The following GABRR3 variants were observed in gnomAD, a reference collection of about 807,000 sequenced individuals.
GABRR3 encodes gamma-aminobutyric acid type A receptor subunit rho3, also known as gamma-aminobutyric acid receptor subunit rho-3.
Under a neutral mutation model 43.2 loss-of-function variants are expected in GABRR3, and 29 were observed. That is an observed-to-expected ratio of 0.67 (90% CI 0.50 to 0.92). GABRR3 has a LOEUF of 0.92. Ranked by LOEUF, GABRR3 falls within the 40% of genes least tolerant of loss-of-function variation. The pLI is 0.00. For missense variants in GABRR3, 576 were observed against 572.3 expected (o/e 1.01, Z -0.07); for synonymous variants, 206 against 195.9 (o/e 1.05, Z -0.43).
intron 3 of GABRR3, among the ~76,000 whole-genome samples, chr3:98,023,700 T>G (rs1444912613): frequency 6.6e-6 from 1 of 152,178 alleles, no homozygotes; most frequent in African/African-American, 2.4e-5. Context: ...AGAGACATAT[T>G]TCTAAACCTG....
At chr3:98,031,008 G>T (rs1357557617) in intron 2 of GABRR3, among the ~76,000 whole-genome samples, 1 of 152,116 alleles carries the variant, frequency 6.6e-6, no homozygotes, top group East Asian at 1.9e-4. Flanking sequence ...TTATTTCCAG[G>T]CTCTGGATGT....
chr3:98,033,043 CTGCATGACAGAG>C (rs1707110038), intron 2 of GABRR3, among the ~76,000 whole-genome samples: 1 of 152,148 alleles, frequency 6.6e-6, no homozygotes, highest in Non-Finnish European at 1.5e-5. Context: ...GCCCTAAAAT[CTGCATGACAGAG>C]TGCTTGAATG....
At chr3:98,000,455 G>T (rs1194335567) in intron 8 of GABRR3, 4 of 152,082 alleles carry the variant, frequency 2.6e-5, no homozygotes, top group African/African-American at 9.7e-5. Context: ...CAGTACTGAG[G>T]TTAGGGCACA....
intron 7 of GABRR3, among the ~76,000 whole-genome samples, chr3:98,006,119 GAGA>G (rs1308723819): frequency 3.3e-5 from 5 of 151,564 alleles, no homozygotes; most frequent in East Asian, 1.9e-4. Context: ...AGAAAAGGAG[GAGA>G]AGAAGGAGGA....
Position 98,025,796 on chromosome 3 carries a change from C to T in GABRR3, c.126-117G>A, listed in dbSNP as rs193070888. The T allele has an allele frequency of 9.7e-5, 59 of 610,430 alleles. No homozygotes were observed. The African/African-American group carries it at 1.0e-3, about 10-fold the overall frequency. The allele number at this position is 610,430 out of a possible 1,614,324, so 37.8% of individuals were successfully genotyped here. A position where few individuals can be genotyped will look rare whatever the true frequency, so the allele number is the denominator to read the frequency against. On this transcript the variant is annotated intron_variant, in intron 2 of 9. Coordinates refer to ENST00000621172, the Ensembl canonical transcript of GABRR3. ...GTTCTGAAATACATACATAAAAGCT[C>T]ATTTTCTCAGTTCATATTAAGCCAA...
At chr3:98,002,722 ATT>A (rs34246628) in intron 7 of GABRR3, among the ~76,000 whole-genome samples, 15 of 151,894 alleles carry the variant, frequency 9.9e-5, no homozygotes, top group Non-Finnish European at 8.8e-5. Context: ...AAGTAGCAAG[ATT>A]TTTTTTCTAT....
At chr3:98,032,252 A>G (rs973685313) in intron 2 of GABRR3, among the ~76,000 whole-genome samples, 4 of 152,208 alleles carry the variant, frequency 2.6e-5, no homozygotes, top group African/African-American at 9.6e-5. Flanking sequence ...CCTTTATTTT[A>G]GAAAGTATTT....
chr3:98,031,273 A>G (rs1707083771), intron 2 of GABRR3, among the ~76,000 whole-genome samples: 1 of 152,202 alleles, frequency 6.6e-6, no homozygotes, highest in African/African-American at 2.4e-5. Context: ...AGGAGGCCTC[A>G]GTTTCCTCAT....
At chr3:97,993,952 GC>G (rs1706504631) in intron 8 of GABRR3, among the ~76,000 whole-genome samples, 1 of 152,196 alleles carries the variant, frequency 6.6e-6, no homozygotes, top group African/African-American at 2.4e-5. Context: ...CATGAGGAGG[GC>G]CATTCAATGT....
intron 3 of GABRR3, among the ~76,000 whole-genome samples, chr3:98,024,043 A>T (rs1706981969): frequency 6.6e-6 from 1 of 152,204 alleles, no homozygotes; most frequent in Non-Finnish European, 1.5e-5. Context: ...TGAGTCACAA[A>T]TGTGATGAAA....
intron 8 of GABRR3, among the ~76,000 whole-genome samples, chr3:97,993,799 C>T (rs1307667711): frequency 2.0e-5 from 3 of 152,034 alleles, no homozygotes; most frequent in Non-Finnish European, 4.4e-5. Flanking sequence ...CTTTCTGCTG[C>T]CTTCCCCCTT....
exon 2 of GABRR3, chr3:98,034,886 G>A: frequency 2.5e-6 from 4 of 1,613,066 alleles, no homozygotes; most frequent in Non-Finnish European, 3.4e-6. Flanking sequence ...TTGAAGAGGA[G>A]CACCGCTGGT....
At chr3:98,006,924 A>G (rs1470669206) in intron 7 of GABRR3, among the ~76,000 whole-genome samples, 2 of 152,104 alleles carry the variant, frequency 1.3e-5, no homozygotes, top group Non-Finnish European at 2.9e-5. Context: ...CCAATTTTGG[A>G]TAGGTTTTCT....
At chr3:98,007,400 C>T (rs1353355590) in intron 7 of GABRR3, among the ~76,000 whole-genome samples, 1 of 152,076 alleles carries the variant, frequency 6.6e-6, no homozygotes, top group Admixed American at 6.5e-5. Flanking sequence ...GTGAGTCCCA[C>T]ATTAGGCAGG....
At chr3:98,006,722 C>T (rs1047202618) in intron 7 of GABRR3, among the ~76,000 whole-genome samples, 8 of 152,176 alleles carry the variant, frequency 5.3e-5, no homozygotes, top group South Asian at 4.2e-4. Flanking sequence ...TATATGGATT[C>T]GGCCTAAAAT....
At chr3:97,987,031 A>C (rs1432813100) in intron 9 of GABRR3, 49 bp from the exon 10 acceptor site, 1 of 1,204,056 alleles carries the variant, frequency 8.3e-7, no homozygotes, top group African/African-American at 1.5e-5. Context: ...GGTTTTACAA[A>C]TAGGAATTAT....
At chr3:97,987,683 A>G (rs1706405811) in intron 9 of GABRR3, among the ~76,000 whole-genome samples, 1 of 152,260 alleles carries the variant, frequency 6.6e-6, no homozygotes, top group African/African-American at 2.4e-5. Flanking sequence ...AAAAGACATG[A>G]AGACTATTTT....
At chr3:97,985,613 A>G (rs1351952499), downstream of GABRR3, among the ~76,000 whole-genome samples, 1 of 152,196 alleles carries the variant, frequency 6.6e-6, no homozygotes, top group African/African-American at 2.4e-5. Flanking sequence ...TCATTTTTTC[A>G]GTACATAACA....
chr3:98,007,903 A>G (rs832032), exon 7 of GABRR3: 7 of 1,555,102 alleles, frequency 4.5e-6, no homozygotes, highest in Non-Finnish European at 6.1e-6. Context: ...CATTGTAGGC[A>G]TCTAAAACAT....
Sources: gnomAD v4.1 joint callset for allele counts (sites outside exome capture counted in the v4.1 genomes callset) on GRCh38, gnomAD v4.1.1 for gene constraint, MANE v1.5 for transcripts, NCBI Gene and HGNC (gene_info 2026-07-23, HGNC 2026-07-21) for gene names.